Variants in ERLEC1 observed in about 807,000 individuals in gnomAD.
ERLEC1 encodes ER lectin.
Under a neutral mutation model 68.0 loss-of-function variants are expected in ERLEC1, and 47 were observed. The ratio of observed to expected loss-of-function variants is 0.69; its 90% CI spans 0.55 to 0.88. The LOEUF (loss-of-function observed/expected upper bound fraction) is 0.88, where lower values mean the gene tolerates loss of function less well. Among genes scored for constraint, ERLEC1 ranks in the 40% least tolerant of loss-of-function variants. The pLI is 0.00. For synonymous variants in ERLEC1, 225 were observed against 203.2 expected (o/e 1.11, Z -0.91); for missense variants, 567 against 583.8 (o/e 0.97, Z 0.30).
rs1015866562 is a variant in ERLEC1 at position 53,818,780 on chromosome 2, T to C, written c.*811T>C. On this transcript the variant is annotated 3_prime_UTR_variant, in exon 14 of 14. Coordinates refer to ENST00000185150, the MANE Select transcript of ERLEC1 (RefSeq NM_015701.5). ...AGCACAATATTTATTTTAAAGTGAATAAAATGTCCACAAGCAGTGTTGTCA... is the reference window on the plus strand; with the variant it reads ...AGCACAATATTTATTTTAAAGTGAACAAAATGTCCACAAGCAGTGTTGTCA... The C allele has an allele frequency of 7.2e-5, 11 of 152,206 alleles. No individual in the cohort carries two copies. Among genetic ancestry groups the C allele is most frequent in the Non-Finnish European group, 1.5e-4 (10 of 68,026 alleles). 9.4% of individuals were successfully genotyped at this position (152,206 alleles called of 1,614,324 possible).
At chr2:53,804,683 A>T (rs553613610) in intron 8 of ERLEC1, among the ~76,000 whole-genome samples, 2 of 152,250 alleles carry the variant, frequency 1.3e-5, no homozygotes, top group South Asian at 4.1e-4. Flanking sequence ...CAAACAATCC[A>T]ATGAGACTCT....
intron 8 of ERLEC1, among the ~76,000 whole-genome samples, chr2:53,804,168 A>AT (rs994490259): frequency 6.6e-6 from 1 of 152,000 alleles, no homozygotes; most frequent in Admixed American, 6.6e-5. Flanking sequence ...AATACTCAGC[A>AT]TTTTTTTTAA....
At position 53,808,321 on chromosome 2, in the gene ERLEC1, AAG is replaced by A; in HGVS notation, c.908_909del (p.Arg303IlefsTer29). The A allele has an allele frequency of 6.2e-7, 1 of 1,614,066 alleles. No individual in the cohort carries two copies. The highest frequency in any genetic ancestry group is 8.5e-7 in the Non-Finnish European group (1 of 1,179,992). On this transcript the variant is annotated frameshift_variant, in exon 9 of 14. Coordinates refer to ENST00000185150, the MANE Select transcript of ERLEC1 (RefSeq NM_015701.5). LOFTEE classifies it high-confidence loss of function. ...TAGGAAGATTTGCAATCAACTAAAG[AAG>A]AGAGATTTCCAGCGATCCACAAGTC...
chr2:53,789,537 A>C (rs921824565), intron 1 of ERLEC1, among the ~76,000 whole-genome samples: 1 of 152,182 alleles, frequency 6.6e-6, no homozygotes, highest in South Asian at 2.1e-4. Flanking sequence ...CGAGGACTAC[A>C]GGTGGTCACC....
intron 1 of ERLEC1, 152 bp from the exon 2 acceptor site, chr2:53,794,193 A>C: frequency 2.0e-6 from 1 of 498,774 alleles, no homozygotes; most frequent in Non-Finnish European, 3.6e-6. Flanking sequence ...ATTTTTGTTA[A>C]TGTTTGTAGC....
intron 1 of ERLEC1, among the ~76,000 whole-genome samples, chr2:53,794,019 T>C (rs2104283732): frequency 6.6e-6 from 1 of 152,222 alleles, no homozygotes; most frequent in South Asian, 2.1e-4. Flanking sequence ...CAATAAACAC[T>C]GGAGATTCCA....
chr2:53,811,530 G>A (rs1178184660), intron 10 of ERLEC1, among the ~76,000 whole-genome samples: 1 of 152,158 alleles, frequency 6.6e-6, no homozygotes, highest in Non-Finnish European at 1.5e-5. Flanking sequence ...TAGGTGTTTA[G>A]AGAGATACTA....
chr2:53,787,976 T>G (rs1675160090), intron 1 of ERLEC1, among the ~76,000 whole-genome samples: 2 of 152,220 alleles, frequency 1.3e-5, no homozygotes, highest in Admixed American at 1.3e-4. Flanking sequence ...GACTGTTATT[T>G]GAGTCCCCAG....
chr2:53,814,690 T>C (rs1050761793), intron 12 of ERLEC1, 70 bp downstream of exon 12: 2 of 1,149,488 alleles, frequency 1.7e-6, no homozygotes, highest in Admixed American at 1.9e-5. Context: ...AAAAGTTTTA[T>C]GTAAACAGTA....
chr2:53,798,231 G>T (rs1011265312), intron 5 of ERLEC1, among the ~76,000 whole-genome samples: 1 of 151,920 alleles, frequency 6.6e-6, no homozygotes, highest in African/African-American at 2.4e-5. Flanking sequence ...CTTCTGAACT[G>T]TCCCTTACAA....
At chr2:53,808,232 A>G in intron 8 of ERLEC1, 67 bp from the exon 9 acceptor site, 11 of 1,519,042 alleles carry the variant, frequency 7.2e-6, no homozygotes, top group Non-Finnish European at 9.8e-6. Context: ...ATAATAACTT[A>G]AGCCATAACT....
chr2:53,795,917 T>A lies in ERLEC1; in HGVS notation c.268-16T>A, dbSNP rs1477080229. The A allele has an allele frequency of 6.4e-7, 1 of 1,558,736 alleles. No homozygotes were observed. The highest frequency in any genetic ancestry group is 1.4e-5 in the African/African-American group (1 of 72,520). ...TCTAGAAAAACTGTAAGTATTAAAC[T>A]CCAATTCTTTCTTAGGAAGAAGAAA... On this transcript the variant is annotated splice_polypyrimidine_tract_variant and intron_variant, in intron 2 of 13. Transcript: ENST00000185150.
rs530754085 is a variant in ERLEC1, at chr2:53,802,709, T to C, written c.879+867T>C. Among the ~76,000 whole-genome samples the C allele has an allele frequency of 2.0e-5, 3 of 152,300 alleles. No individual in the cohort carries two copies. The South Asian group carries it at 6.2e-4, about 32-fold the overall frequency. ...GCCTCATCTTTCATCACCATTCCCT[T>C]CATCCCAGCTGTTTTGAACAGCTTA... On this transcript the variant is annotated intron_variant, in intron 8 of 13. Transcript: ENST00000185150.
chr2:53,805,773 C>T (rs55819843), intron 8 of ERLEC1, among the ~76,000 whole-genome samples: 1,956 of 152,318 alleles, frequency 0.013, 22 homozygotes, highest in Non-Finnish European at 0.021. Flanking sequence ...CAACAGTATA[C>T]AAGGGTTACC....
chr2:53,787,505 CT>C, intron 1 of ERLEC1, 133 bp downstream of exon 1: 2 of 1,067,938 alleles, frequency 1.9e-6, no homozygotes, highest in Non-Finnish European at 2.6e-6. Flanking sequence ...GCCAAAGCTG[CT>C]TTTATGCAGC....
intron 3 of ERLEC1, among the ~76,000 whole-genome samples, chr2:53,796,609 T>A (rs997934973): frequency 6.6e-6 from 1 of 151,866 alleles, no homozygotes; most frequent in Non-Finnish European, 1.5e-5. Context: ...CACCATGCCC[T>A]GCTAATTTTT....
intron 1 of ERLEC1, among the ~76,000 whole-genome samples, chr2:53,791,906 TAAA>T (rs569591198): frequency 0.16 from 18,867 of 117,540 alleles, 1,469 homozygotes; most frequent in South Asian, 0.24. Flanking sequence ...AATGCTCTTT[TAAA>T]AAAAAAAAAA....
chr2:53,805,273 T>C (rs777362741), intron 8 of ERLEC1, among the ~76,000 whole-genome samples: 2 of 152,148 alleles, frequency 1.3e-5, no homozygotes, highest in African/African-American at 2.4e-5. Context: ...TCCACCCACC[T>C]CAGCCTCCCA....
intron 10 of ERLEC1, among the ~76,000 whole-genome samples, chr2:53,811,152 C>T (rs918032840): frequency 3.3e-5 from 5 of 152,182 alleles, no homozygotes; most frequent in Admixed American, 6.5e-5. Context: ...TGCTCCACGT[C>T]AGCAACAATC....
Sources: gnomAD v4.1 joint callset for allele counts (sites outside exome capture counted in the v4.1 genomes callset) on GRCh38, gnomAD v4.1.1 for gene constraint, MANE v1.5 for transcripts, NCBI Gene and HGNC (gene_info 2026-07-23, HGNC 2026-07-21) for gene names.